The following PHACTR1 variants were observed in gnomAD, a reference collection of about 807,000 sequenced individuals.
The protein encoded by PHACTR1 is phosphatase and actin regulator 1, also known as RPEL repeat containing 1.
A neutral mutation model predicts 69.2 loss-of-function variants in PHACTR1; 16 were observed. The ratio of observed to expected loss-of-function variants is 0.23; its 90% CI spans 0.16 to 0.35. The LOEUF (loss-of-function observed/expected upper bound fraction) is 0.35. Among genes scored for constraint, PHACTR1 ranks in the 10% least tolerant of loss-of-function variants. The pLI is 1.00. For synonymous variants in PHACTR1, 312 were observed against 284.5 expected, an observed-to-expected ratio of 1.10 and a Z score of -0.97; for missense variants, 510 against 734.7, an observed-to-expected ratio of 0.69 and a Z score of 3.54.
intron 5 of PHACTR1, among the ~76,000 whole-genome samples, chr6:13,138,356 G>A (rs1821880656): frequency 6.6e-6 from 1 of 152,212 alleles, no homozygotes. Flanking sequence ...ATTTACAATT[G>A]TAAGCTTTCT....
chr6:13,200,630 C>T (rs1252429128), intron 7 of PHACTR1, among the ~76,000 whole-genome samples: 1 of 152,114 alleles, frequency 6.6e-6, no homozygotes, highest in Admixed American at 6.5e-5. Context: ...TTATTTTTGA[C>T]TGTGGCTTTT....
intron 10 of PHACTR1, among the ~76,000 whole-genome samples, chr6:13,259,196 TAAC>T (rs1481781267): frequency 6.6e-6 from 1 of 152,242 alleles, no homozygotes; most frequent in Non-Finnish European, 1.5e-5. Context: ...ATTTCTGTTA[TAAC>T]AACTCAGATA....
intron 4 of PHACTR1, among the ~76,000 whole-genome samples, chr6:12,976,154 C>G (rs976332410): frequency 6.6e-6 from 1 of 152,164 alleles, no homozygotes; most frequent in African/African-American, 2.4e-5. Flanking sequence ...CCAAGGAATT[C>G]TAAGCTTCAA....
intron 4 of PHACTR1, among the ~76,000 whole-genome samples, chr6:12,846,304 T>C (rs1779257403): frequency 6.6e-6 from 1 of 152,230 alleles, no homozygotes; most frequent in African/African-American, 2.4e-5. Flanking sequence ...TAATCTTAAC[T>C]ATTCTGTAAA....
intron 4 of PHACTR1, among the ~76,000 whole-genome samples, chr6:12,851,472 G>A (rs1486139345): frequency 1.3e-5 from 2 of 152,210 alleles, no homozygotes; most frequent in Non-Finnish European, 2.9e-5. Context: ...CAGATTTCCT[G>A]AGGGAAACAG....
Position 12,943,676 on chromosome 6 carries a change from T to C in PHACTR1, c.251-109689T>C, listed in dbSNP as rs537684976. Among the ~76,000 whole-genome samples the C allele has an allele frequency of 9.3e-5, 14 of 150,512 alleles. No homozygotes were observed. The South Asian group carries it at 1.2e-3, about 13-fold the overall frequency. On this transcript the variant is annotated intron_variant, in intron 4 of 14. Transcript: ENST00000332995. Reference sequence around the variant, plus strand: ...GATGAAATTAAAATGCACGTGTCCTTCTTGCTTTTATATGAATGGGAAGGT... The same window carrying C: ...GATGAAATTAAAATGCACGTGTCCTCCTTGCTTTTATATGAATGGGAAGGT...
intron 4 of PHACTR1, among the ~76,000 whole-genome samples, chr6:12,981,506 T>C (rs1256446207): frequency 2.0e-5 from 3 of 152,262 alleles, no homozygotes; most frequent in Non-Finnish European, 4.4e-5. Flanking sequence ...GGAAAGATTT[T>C]TATCGTGCTT....
chr6:13,258,174 A>G (rs544826412), intron 10 of PHACTR1, among the ~76,000 whole-genome samples: 5 of 152,198 alleles, frequency 3.3e-5, no homozygotes, highest in Non-Finnish European at 7.4e-5. Flanking sequence ...CCTGGCCAAC[A>G]TGATGAAACC....
intron 4 of PHACTR1, among the ~76,000 whole-genome samples, chr6:13,040,116 C>G (rs1414498199): frequency 6.6e-6 from 1 of 152,098 alleles, no homozygotes; most frequent in Non-Finnish European, 1.5e-5. Context: ...TTCAAAATCC[C>G]TACCCTCATA....
intron 5 of PHACTR1, among the ~76,000 whole-genome samples, chr6:13,118,029 T>A (rs1439603770): frequency 6.6e-6 from 1 of 152,252 alleles, no homozygotes; most frequent in Non-Finnish European, 1.5e-5. Context: ...TAGTGCTCAA[T>A]GCTGGTCCTA....
intron 4 of PHACTR1, among the ~76,000 whole-genome samples, chr6:12,805,633 C>T (rs1429712508): frequency 6.7e-6 from 1 of 149,646 alleles, no homozygotes; most frequent in East Asian, 1.9e-4. Flanking sequence ...TGGAGTCTTG[C>T]TCTGTTGCCC....
At chr6:13,182,449 G>T in intron 6 of PHACTR1, 70 bp from the exon 7 acceptor site, 1 of 1,521,072 alleles carries the variant, frequency 6.6e-7, no homozygotes, top group Non-Finnish European at 9.1e-7. Context: ...GACTCAGCAG[G>T]CGGGAAGTGC....
chr6:12,890,630 C>T (rs550411237), intron 4 of PHACTR1, among the ~76,000 whole-genome samples: 24 of 152,148 alleles, frequency 1.6e-4, no homozygotes, highest in Non-Finnish European at 3.1e-4. Flanking sequence ...TCTAGGCGTT[C>T]GGTTTCCCTT....
At chr6:12,923,683 T>A (rs1487900302) in intron 4 of PHACTR1, among the ~76,000 whole-genome samples, 1 of 152,190 alleles carries the variant, frequency 6.6e-6, no homozygotes, top group Non-Finnish European at 1.5e-5. Flanking sequence ...GTTTTGCAGT[T>A]CTCCCCCATC....
At chr6:13,272,719 CGA>C in intron 10 of PHACTR1, 139 bp from the exon 11 acceptor site, 6 of 1,589,622 alleles carry the variant, frequency 3.8e-6, no homozygotes, top group Middle Eastern at 1.8e-4. Flanking sequence ...GCGGTGGTGG[CGA>C]GAGTCAGTCT....
At chr6:13,255,849 G>A (rs1289410910) in intron 10 of PHACTR1, among the ~76,000 whole-genome samples, 3 of 152,210 alleles carry the variant, frequency 2.0e-5, no homozygotes, top group Admixed American at 2.0e-4. Flanking sequence ...AGTGCCTGTG[G>A]CTTTTCTCGG....
chr6:13,075,006 T>C (rs116345116), intron 5 of PHACTR1, among the ~76,000 whole-genome samples: 218 of 152,332 alleles, frequency 1.4e-3, no homozygotes, highest in Admixed American at 3.1e-3. Context: ...GTGGTGATCA[T>C]TGGGAAATAG....
At chr6:12,741,819 C>G (rs574892130) in intron 3 of PHACTR1, among the ~76,000 whole-genome samples, 3 of 150,610 alleles carry the variant, frequency 2.0e-5, no homozygotes, top group Admixed American at 2.0e-4. Context: ...TTACATTGAA[C>G]CCATAGGTCA....
chr6:13,047,377 CAA>C lies in PHACTR1; in HGVS notation c.251-5964_251-5963del, dbSNP rs35293642. 4.2e-3 allele frequency among the ~76,000 whole-genome samples: 230 copies of C among 54,780 alleles called. 1 individual carries two copies. The highest frequency in any genetic ancestry group is 0.012 in the African/African-American group (209 of 18,002). 35.9% of individuals were successfully genotyped at this position (54,780 alleles called of 152,430 possible). ...TGGGTGACAGAGCAAAACCCTGTCT[CAA>C]AAAAAAAAAAAAAAAAAAAAAAAGG... On this transcript the variant is annotated intron_variant, in intron 4 of 14. Transcript: ENST00000332995.
Sources: allele counts gnomAD v4.1 joint callset (sites outside exome capture counted in the v4.1 genomes callset), GRCh38; gene constraint gnomAD v4.1.1; transcripts MANE v1.5; gene names NCBI Gene and HGNC (gene_info 2026-07-23, HGNC 2026-07-21).